The following SETX variants were observed in gnomAD, a reference collection of about 807,000 sequenced individuals.
SETX encodes senataxin, also known as helicase senataxin.
SETX carries 90 observed loss-of-function variants against 227.2 expected under a neutral mutation model. That is an observed-to-expected ratio of 0.40 (90% CI 0.33 to 0.47). SETX has a LOEUF of 0.47. Ranked by LOEUF, SETX falls within the 20% of genes least tolerant of loss-of-function variation. SETX has a pLI of 0.91. For synonymous variants in SETX, 1,210 were observed against 1,113.2 expected (o/e 1.09, Z -1.73); for missense variants, 3,052 against 3,181.5 (o/e 0.96, Z 0.98).
intron 4 of SETX, among the ~76,000 whole-genome samples, chr9:132,344,922 C>T (rs1848203148): frequency 6.6e-6 from 1 of 150,618 alleles, no homozygotes; most frequent in Admixed American, 6.6e-5. Context: ...AGGGAAATGC[C>T]TTTACTTTCA....
chr9:132,306,151 G>A (rs960101712), intron 11 of SETX, among the ~76,000 whole-genome samples: 1 of 152,052 alleles, frequency 6.6e-6, no homozygotes, highest in Non-Finnish European at 1.5e-5. Context: ...TGTCTTATAC[G>A]TTAGCTCTAT....
At chr9:132,269,499 A>G (rs1842796040) in intron 25 of SETX, 116 bp downstream of exon 25, 5 of 1,600,802 alleles carry the variant, frequency 3.1e-6, no homozygotes, top group East Asian at 2.3e-5. Flanking sequence ...GCTGGAAAAC[A>G]TAACAACCAT....
rs777349276 is a variant in SETX at position 132,328,767 on chromosome 9, G to T, written c.2831C>A (p.Pro944His). ...IYSNLTREQA[P>H]DISPKSDTLT... Reference sequence around the variant, plus strand: ...GGTGTCAGATTTAGGACTGATGTCAGGGGCCTGTTCTCTTGTCAAGTTAGA... The same window carrying T: ...GGTGTCAGATTTAGGACTGATGTCATGGGCCTGTTCTCTTGTCAAGTTAGA... The change falls in exon 10 of 26, where the codon CCT becomes CAT. Residue 944 changes from proline (P) to histidine (H), a missense_variant. Around this residue, in one of 10 missense-constraint regions of SETX, gnomAD observed 1,483 missense variants for 1,312.0 expected, o/e 1.13. Coordinates refer to ENST00000224140, the MANE Select transcript of SETX (RefSeq NM_015046.7). 3.1e-6 allele frequency: 5 copies of T among 1,611,256 alleles called. No individual in the cohort carries two copies. The highest frequency in any genetic ancestry group is 4.2e-6 in the Non-Finnish European group (5 of 1,178,958).
chr9:132,329,966 T>G lies in SETX; in HGVS notation c.1632A>C (p.Lys544Asn). 2 of 1,614,190 alleles carry G rather than the reference T, an allele frequency of 1.2e-6. No individual in the cohort carries two copies. Among genetic ancestry groups the G allele is most frequent in the Non-Finnish European group, 1.7e-6 (2 of 1,180,000 alleles). The part of the protein sequence containing the change: ...AYVQLIRSLL[K>N]EGYQLGQQSL... ...ACTGCTGCCCAAGCTGATAACCTTCTTTAAGGAGACTTCTAATCAGCTGCA... is the reference window on the plus strand; with the variant it reads ...ACTGCTGCCCAAGCTGATAACCTTCGTTAAGGAGACTTCTAATCAGCTGCA... Residue 544 changes from lysine (K) to asparagine (N), a missense_variant, in exon 10 of 26, where the codon AAA becomes AAC. Physicochemically the swap from Lys to Asn is moderately conservative, Grantham distance 94. Coordinates refer to ENST00000224140, the MANE Select transcript of SETX (RefSeq NM_015046.7).
Position 132,269,721 on chromosome 9 carries a change from G to A in SETX, c.7200-19C>T, listed in dbSNP as rs1219677179. On this transcript the variant is annotated intron_variant, in intron 24 of 25. Coordinates refer to ENST00000224140, the MANE Select transcript of SETX (RefSeq NM_015046.7). ...CAGGAATCTAGGCAATAAAAAAAGA[G>A]TTCCTTCTTTGTCTAGAATGACTTA... 1.9e-6 allele frequency: 3 copies of A among 1,612,218 alleles called. No homozygotes were observed. The highest frequency in any genetic ancestry group is 1.7e-6 in the Non-Finnish European group (2 of 1,178,304).
chr9:132,280,568 C>T (rs1843443291), intron 20 of SETX, among the ~76,000 whole-genome samples: 2 of 152,208 alleles, frequency 1.3e-5, no homozygotes, highest in African/African-American at 4.8e-5. Context: ...ATACAAAGAA[C>T]TGCACTATCA....
At chr9:132,269,366 A>G in intron 25 of SETX, 1 of 1,430,260 alleles carries the variant, frequency 7.0e-7, no homozygotes, top group Non-Finnish European at 9.4e-7. Context: ...CTTAACAATA[A>G]TCCTATGATG....
intron 6 of SETX, 130 bp from the exon 7 acceptor site, chr9:132,334,857 C>T: frequency 1.0e-6 from 1 of 956,904 alleles, no homozygotes; most frequent in East Asian, 2.6e-5. Flanking sequence ...ACATTTAAGT[C>T]TCAGATATTC....
intron 10 of SETX, among the ~76,000 whole-genome samples, chr9:132,318,927 C>A (rs1197258735): frequency 1.3e-5 from 2 of 152,260 alleles, no homozygotes; most frequent in East Asian, 3.9e-4. Context: ...CTTCCCATCC[C>A]AAGAACCCAA....
chr9:132,290,805 G>T (rs1589655642), intron 15 of SETX, among the ~76,000 whole-genome samples: 1 of 151,590 alleles, frequency 6.6e-6, no homozygotes, highest in Admixed American at 6.6e-5. Flanking sequence ...CAGAGATGGG[G>T]GTATTGCTTG....
intron 11 of SETX, among the ~76,000 whole-genome samples, chr9:132,307,032 G>T (rs1426317393): frequency 6.6e-6 from 1 of 152,164 alleles, no homozygotes; most frequent in African/African-American, 2.4e-5. Context: ...AGGCAGGCGG[G>T]TCACCTGAGG....
At chr9:132,269,822 T>C in intron 24 of SETX, 120 bp from the exon 25 acceptor site, 1 of 1,001,066 alleles carries the variant, frequency 1.0e-6, no homozygotes. Context: ...GAATCTTGAA[T>C]GACTCAGTGA....
At chr9:132,266,726 T>A (rs1842670413) in intron 25 of SETX, among the ~76,000 whole-genome samples, 1 of 152,102 alleles carries the variant, frequency 6.6e-6, no homozygotes, top group Admixed American at 6.5e-5. Flanking sequence ...GAGCTGAGAT[T>A]GTGCCACTGC....
chr9:132,353,844 G>A (rs1005906110), intron 1 of SETX, 89 bp from the exon 2 acceptor site: 1 of 152,192 alleles, frequency 6.6e-6, no homozygotes, highest in Non-Finnish European at 1.5e-5. Flanking sequence ...ATTACAGACA[G>A]ATACTGCTGG....
At chr9:132,266,577 GC>G (rs1821024469) in intron 25 of SETX, among the ~76,000 whole-genome samples, 1 of 152,134 alleles carries the variant, frequency 6.6e-6, no homozygotes, top group South Asian at 2.1e-4. Context: ...TTCAAGACGA[GC>G]CTGGGCAACA....
chr9:132,265,755 GTGA>G (rs1240089728), intron 25 of SETX, among the ~76,000 whole-genome samples: 1 of 152,088 alleles, frequency 6.6e-6, no homozygotes, highest in East Asian at 1.9e-4. Context: ...TTGGACATTG[GTGA>G]TCTAGAGTAC....
At chr9:132,279,948 C>T (rs1461989389) in intron 20 of SETX, among the ~76,000 whole-genome samples, 4 of 152,150 alleles carry the variant, frequency 2.6e-5, no homozygotes, top group Non-Finnish European at 4.4e-5. Flanking sequence ...TAAACATATA[C>T]ATGTATACAA....
chr9:132,294,921 A>G (rs1360413522), intron 15 of SETX, among the ~76,000 whole-genome samples: 1 of 152,186 alleles, frequency 6.6e-6, no homozygotes, highest in East Asian at 1.9e-4. Flanking sequence ...AAAGAAGTAA[A>G]CTTCTGTTAT....
Position 132,327,857 on chromosome 9 carries a change from T to C in SETX, c.3741A>G (p.Ser1247=), listed in dbSNP as rs1846933784. The change falls in exon 10 of 26, where the codon TCA becomes TCG. Residue 1247 remains serine, a synonymous_variant. Coordinates refer to ENST00000224140, the MANE Select transcript of SETX (RefSeq NM_015046.7). ...PVSKTPKKTH[S]DAKKGQNRSS... ...TTCTATTCTGTCCTTTTTTGGCATC[T>C]GAATGAGTTTTCTTAGGGGTCTTAG... 1.2e-6 allele frequency: 2 copies of C among 1,614,090 alleles called. No homozygotes were observed. Among genetic ancestry groups the C allele is most frequent in the South Asian group, 2.2e-5 (2 of 91,090 alleles).
Sources: gnomAD v4.1 joint callset for allele counts (sites outside exome capture counted in the v4.1 genomes callset) on GRCh38, gnomAD v4.1.1 for gene constraint, gnomAD v4.1.1 regional missense constraint, MANE v1.5 for transcripts, NCBI Gene and HGNC (gene_info 2026-07-23, HGNC 2026-07-21) for gene names.